The following MPP7 variants were observed in gnomAD, a reference collection of about 807,000 sequenced individuals.
MPP7 encodes MAGUK p55 subfamily member 7.
In MPP7, 60 loss-of-function variants were observed where a neutral mutation model predicts 76.5. The observed-to-expected ratio is 0.78, with a 90% CI of 0.64 to 0.97. The LOEUF (loss-of-function observed/expected upper bound fraction) is 0.97, where lower values mean the gene tolerates loss of function less well. MPP7 is among the 50% of genes least tolerant of loss of function. MPP7 has a pLI of 0.00. For missense variants in MPP7, 641 were observed against 694.0 expected, an observed-to-expected ratio of 0.92 and a Z score of 0.86; for synonymous variants, 237 against 244.5, an observed-to-expected ratio of 0.97 and a Z score of 0.29.
chr10:28,183,435 A>G (rs1196571739), intron 3 of MPP7, among the ~76,000 whole-genome samples: 2 of 152,220 alleles, frequency 1.3e-5, no homozygotes. Flanking sequence ...ATCACAGACT[A>G]TTAATTTTCA....
chr10:28,244,775 T>C (rs1839378215), intron 1 of MPP7, among the ~76,000 whole-genome samples: 1 of 152,062 alleles, frequency 6.6e-6, no homozygotes, highest in Non-Finnish European at 1.5e-5. Context: ...CCTGGTCCAT[T>C]TGCCAGGAAG....
At chr10:28,186,827 G>T (rs573067279) in intron 3 of MPP7, among the ~76,000 whole-genome samples, 1 of 152,160 alleles carries the variant, frequency 6.6e-6, no homozygotes, top group South Asian at 2.1e-4. Context: ...AGTGGGAAAC[G>T]CTCATCTCTG....
intron 2 of MPP7, among the ~76,000 whole-genome samples, chr10:28,203,662 C>A (rs1837856068): frequency 6.6e-6 from 1 of 152,074 alleles, no homozygotes; most frequent in Non-Finnish European, 1.5e-5. Context: ...TATAATAATA[C>A]AGGTTTCATT....
At chr10:28,124,255 G>A in intron 7 of MPP7, 139 bp from the exon 8 acceptor site, 1 of 642,428 alleles carries the variant, frequency 1.6e-6, no homozygotes, top group Non-Finnish European at 2.8e-6. Flanking sequence ...ACACATCTCA[G>A]GTTTCAGCCT....
At chr10:28,163,169 CT>C (rs1836322349) in intron 3 of MPP7, among the ~76,000 whole-genome samples, 5 of 152,154 alleles carry the variant, frequency 3.3e-5, no homozygotes, top group African/African-American at 1.2e-4. Context: ...GTGATCTGGT[CT>C]CTCTTTCCTG....
intron 11 of MPP7, among the ~76,000 whole-genome samples, chr10:28,113,687 G>A (rs1273465003): frequency 6.6e-6 from 1 of 152,024 alleles, no homozygotes; most frequent in Non-Finnish European, 1.5e-5. Context: ...AGAGTTTATA[G>A]CCACTTTCTA....
intron 1 of MPP7, among the ~76,000 whole-genome samples, chr10:28,239,427 G>T (rs11006941): frequency 0.16 from 24,741 of 151,968 alleles, 2,362 homozygotes; most frequent in African/African-American, 0.26. Flanking sequence ...GATTACAGGT[G>T]TGAGTAACCG....
chr10:28,223,128 T>C (rs1838574772), intron 2 of MPP7, among the ~76,000 whole-genome samples: 1 of 151,750 alleles, frequency 6.6e-6, no homozygotes, highest in Non-Finnish European at 1.5e-5. Flanking sequence ...AGCGAGCCTC[T>C]GTCTCAAAAA....
intron 13 of MPP7, among the ~76,000 whole-genome samples, chr10:28,066,738 AT>A (rs1408643825): frequency 1.3e-5 from 2 of 152,314 alleles, no homozygotes; most frequent in African/African-American, 4.8e-5. Context: ...TGTTGCCTTT[AT>A]TGCAATTATA....
chr10:28,061,812 A>C (rs1218189815), intron 13 of MPP7, among the ~76,000 whole-genome samples: 1 of 149,086 alleles, frequency 6.7e-6, no homozygotes, highest in Non-Finnish European at 1.5e-5. Flanking sequence ...CACTGAACAC[A>C]TAAGTGAATA....
intron 1 of MPP7, among the ~76,000 whole-genome samples, chr10:28,248,722 T>C (rs1839517223): frequency 6.6e-6 from 1 of 152,186 alleles, no homozygotes; most frequent in South Asian, 2.1e-4. Context: ...TATGTTTAGG[T>C]ATGTTTAGAT....
At chr10:28,225,281 A>G (rs1474616653) in intron 2 of MPP7, among the ~76,000 whole-genome samples, 1 of 152,208 alleles carries the variant, frequency 6.6e-6, no homozygotes, top group Non-Finnish European at 1.5e-5. Context: ...ATTCTTAGAT[A>G]TGTCACCAAA....
Position 28,051,671 on chromosome 10 carries a change from G to A in MPP7, c.*2394C>T, listed in dbSNP as rs904318060. On this transcript the variant is annotated 3_prime_UTR_variant, in exon 17 of 17. Transcript: ENST00000683449. Reference sequence around the variant, plus strand: ...GGGCCTTTTTGCTGCCGTTGTCAATGAACTCTCGGAGTTGGCCCTGCCTTA... The same window carrying A: ...GGGCCTTTTTGCTGCCGTTGTCAATAAACTCTCGGAGTTGGCCCTGCCTTA... The A allele has an allele frequency of 6.6e-6, 1 of 152,128 alleles. No individual in the cohort carries two copies. The highest frequency in any genetic ancestry group is 1.5e-5 in the Non-Finnish European group (1 of 68,028). 9.4% of individuals were successfully genotyped at this position (152,128 alleles called of 1,614,324 possible). A position where few individuals can be genotyped will look rare whatever the true frequency, so the allele number is the denominator to read the frequency against.
At position 28,074,044 on chromosome 10, in the gene MPP7, T is replaced by C. The variant is rs530659513; in HGVS notation, c.1124-4192A>G. Among the ~76,000 whole-genome samples, 14 of 152,266 alleles carry C rather than the reference T, an allele frequency of 9.2e-5. No homozygotes were observed. In the South Asian group the frequency reaches 2.9e-3, roughly 32 times the overall value. On this transcript the variant is annotated intron_variant, in intron 12 of 16. Coordinates refer to ENST00000683449, the MANE Select transcript of MPP7 (RefSeq NM_001318170.2). ...ACTAGCCAAAACACTGTTTAATGGCTGTATCACCCACCAGATAGAGGCACC... is the reference window on the plus strand; with the variant it reads ...ACTAGCCAAAACACTGTTTAATGGCCGTATCACCCACCAGATAGAGGCACC...
chr10:28,299,479 C>T (rs7916740), intron 1 of MPP7, among the ~76,000 whole-genome samples: 14,166 of 152,000 alleles, frequency 0.093, 1,309 homozygotes, highest in East Asian at 0.48. Context: ...CAATTAGAAT[C>T]GTAACATCAA....
chr10:28,248,494 G>A (rs1290314390), intron 1 of MPP7, among the ~76,000 whole-genome samples: 1 of 152,088 alleles, frequency 6.6e-6, no homozygotes, highest in East Asian at 1.9e-4. Flanking sequence ...AGCTTCCTTG[G>A]CCTCCCTTTC....
chr10:28,163,681 C>T (rs1419195987), intron 3 of MPP7, among the ~76,000 whole-genome samples: 1 of 152,082 alleles, frequency 6.6e-6, no homozygotes, highest in African/African-American at 2.4e-5. Flanking sequence ...GGCACAATGG[C>T]TCACCCCTGT....
intron 3 of MPP7, among the ~76,000 whole-genome samples, chr10:28,152,537 T>C (rs897083798): frequency 2.0e-5 from 3 of 152,182 alleles, no homozygotes; most frequent in Non-Finnish European, 2.9e-5. Context: ...GAACTGCCTG[T>C]GATGGTGAAA....
chr10:28,282,981 C>A (rs1160132722), intron 1 of MPP7, among the ~76,000 whole-genome samples: 1 of 151,954 alleles, frequency 6.6e-6, no homozygotes, highest in Non-Finnish European at 1.5e-5. Context: ...CAGTTGCGCA[C>A]AGTGGAAAGT....
Sources: gnomAD v4.1 joint callset for allele counts (sites outside exome capture counted in the v4.1 genomes callset) on GRCh38, gnomAD v4.1.1 for gene constraint, MANE v1.5 for transcripts, NCBI Gene and HGNC (gene_info 2026-07-23, HGNC 2026-07-21) for gene names.